The following SGIP1 variants were observed in gnomAD, a reference collection of about 807,000 sequenced individuals.
The protein encoded by SGIP1 is SH3GL interacting endocytic adaptor 1.
SGIP1 carries 38 observed loss-of-function variants against 107.5 expected under a neutral mutation model. The ratio of observed to expected loss-of-function variants is 0.35; its 90% confidence interval spans 0.27 to 0.46. The LOEUF (loss-of-function observed/expected upper bound fraction) is 0.46. Ranked by LOEUF, SGIP1 falls within the 20% of genes least tolerant of loss-of-function variation. The pLI, the probability that SGIP1 is intolerant of heterozygous loss-of-function variation, is 1.00. For missense variants in SGIP1, 929 were observed against 1,019.5 expected (o/e 0.91, Z 1.21); for synonymous variants, 365 against 366.1 (o/e 1.00, Z 0.03).
At chr1:66,570,587 G>T (rs571072605) in intron 1 of SGIP1, among the ~76,000 whole-genome samples, 45 of 151,872 alleles carry the variant, frequency 3.0e-4, no homozygotes, top group African/African-American at 8.9e-4. Context: ...AAATTTCATT[G>T]CCATCTATCC....
intron 1 of SGIP1, among the ~76,000 whole-genome samples, chr1:66,550,582 C>G (rs2057255906): frequency 6.6e-6 from 1 of 152,054 alleles, no homozygotes. Flanking sequence ...TGCCCCTCCC[C>G]CAAGAGGAGG....
intron 12 of SGIP1, among the ~76,000 whole-genome samples, chr1:66,675,541 C>CTTTTTTTTTTTTTTTTTTTTTT (rs71242802): frequency 8.0e-5 from 9 of 112,392 alleles, no homozygotes; most frequent in South Asian, 2.8e-4. Context: ...CTTTTTCTTT[C>CTTTTTTTTTTTTTTTTTTTTTT]TTTTTTTTTT....
At chr1:66,574,454 A>G (rs1028163894) in intron 1 of SGIP1, among the ~76,000 whole-genome samples, 5 of 152,026 alleles carry the variant, frequency 3.3e-5, no homozygotes, top group African/African-American at 1.2e-4. Context: ...TTTATTCATC[A>G]CCTAGTATAA....
At chr1:66,695,219 C>T in intron 17 of SGIP1, 1 of 946,988 alleles carries the variant, frequency 1.1e-6, no homozygotes, top group Non-Finnish European at 1.5e-6. Flanking sequence ...TCCTTTAGGC[C>T]TCCATAGCTT....
At chr1:66,551,314 CTA>C (rs1557857317) in intron 1 of SGIP1, among the ~76,000 whole-genome samples, 1 of 152,146 alleles carries the variant, frequency 6.6e-6, no homozygotes, top group African/African-American at 2.4e-5. Context: ...AGCAATTCTC[CTA>C]TGTTAGAATG....
chr1:66,656,198 A>T (rs1022318570), intron 7 of SGIP1, among the ~76,000 whole-genome samples: 1 of 152,154 alleles, frequency 6.6e-6, no homozygotes, highest in African/African-American at 2.4e-5. Context: ...GACCAGCAAC[A>T]TCACTGTCTT....
At position 66,694,628 on chromosome 1, in the gene SGIP1, G is replaced by A. The variant is rs2090516280; in HGVS notation, c.1571-806G>A. 2.6e-5 allele frequency: 17 copies of A among 654,646 alleles called. No individual in the cohort carries two copies. In the South Asian group the frequency reaches 4.9e-4, roughly 19 times the overall value. The allele number at this position is 654,646 out of a possible 1,614,324, so 40.6% of individuals were successfully genotyped here. On this transcript the variant is annotated intron_variant, in intron 17 of 24. Coordinates refer to ENST00000371037, the MANE Select transcript of SGIP1 (RefSeq NM_032291.4). ...CATGAGTGTCCAGTGCCTCTCAGATGCACCCTGTATATTTACTGTTCATCA... is the reference window on the plus strand; with the variant it reads ...CATGAGTGTCCAGTGCCTCTCAGATACACCCTGTATATTTACTGTTCATCA...
intron 4 of SGIP1, among the ~76,000 whole-genome samples, chr1:66,637,208 A>G (rs1455115683): frequency 1.3e-5 from 2 of 152,134 alleles, no homozygotes; most frequent in Non-Finnish European, 2.9e-5. Context: ...CTTCTTCTTG[A>G]AAGTTTTCCA....
In SGIP1 at chr1:66,643,177, G is replaced by A. The variant is rs191793153; in HGVS notation, c.283+313G>A. The stretch of plus-strand genomic sequence containing the variant: ...TCCTCTCCCTACAATTCAACTCTGG[G>A]CAAAGCATGTCACACTGATGCATTT... On this transcript the variant is annotated intron_variant, in intron 6 of 24. Coordinates refer to ENST00000371037, the MANE Select transcript of SGIP1 (RefSeq NM_032291.4). Among the ~76,000 whole-genome samples, 4 of 148,712 alleles carry A rather than the reference G, an allele frequency of 2.7e-5. No individual in the cohort carries two copies. In the East Asian group the frequency reaches 8.0e-4, roughly 30 times the overall value.
chr1:66,740,776 G>C, intron 23 of SGIP1, 54 bp downstream of exon 23: 1 of 1,228,184 alleles, frequency 8.1e-7, no homozygotes, highest in Non-Finnish European at 1.2e-6. Context: ...AATGGCTTTA[G>C]GTATTTGCCA....
chr1:66,588,376 A>G (rs2062978609), intron 1 of SGIP1, among the ~76,000 whole-genome samples: 1 of 144,218 alleles, frequency 6.9e-6, no homozygotes, highest in Admixed American at 6.7e-5. Context: ...CTCTACCTGC[A>G]AAACAAAAAA....
chr1:66,679,580 G>T, intron 13 of SGIP1, 98 bp from the exon 14 acceptor site: 2 of 1,256,306 alleles, frequency 1.6e-6, no homozygotes. Flanking sequence ...TCCAATAGCA[G>T]GAATATAACT....
intron 1 of SGIP1, among the ~76,000 whole-genome samples, chr1:66,581,125 ACT>A (rs948062278): frequency 1.3e-5 from 2 of 152,068 alleles, no homozygotes; most frequent in African/African-American, 4.8e-5. Context: ...CTATTGAAAC[ACT>A]CTAAGACATG....
At chr1:66,562,355 A>G (rs966364480) in intron 1 of SGIP1, among the ~76,000 whole-genome samples, 3 of 152,062 alleles carry the variant, frequency 2.0e-5, no homozygotes, top group African/African-American at 4.8e-5. Context: ...TTTCAGGGAG[A>G]TAAAATTCTT....
intron 1 of SGIP1, among the ~76,000 whole-genome samples, chr1:66,598,162 G>C (rs960029298): frequency 1.9e-4 from 29 of 152,256 alleles, no homozygotes; most frequent in African/African-American, 6.7e-4. Context: ...TGATAGTAAA[G>C]GGGTCTTTTA....
rs545926744 is a variant in SGIP1 at position 66,725,109 on chromosome 1, A to G, written c.1743-4155A>G. On this transcript the variant is annotated intron_variant, in intron 19 of 24. Coordinates refer to ENST00000371037, the MANE Select transcript of SGIP1 (RefSeq NM_032291.4). Reference sequence around the variant, plus strand: ...TTTGCTCCCAAACTGGGAGGTCAGCAGTGTTCTCCAGGAGAGATGGAAATG... The same window carrying G: ...TTTGCTCCCAAACTGGGAGGTCAGCGGTGTTCTCCAGGAGAGATGGAAATG... Among the ~76,000 whole-genome samples, 9 of 152,282 alleles carry G rather than the reference A, an allele frequency of 5.9e-5. 1 individual carries two copies. The highest frequency in any genetic ancestry group is 2.2e-4 in the African/African-American group (9 of 41,564).
At position 66,749,224 on chromosome 1, in the gene SGIP1, A is replaced by G. The variant is rs184383930; in HGVS notation, c.*6129A>G. Among the ~76,000 whole-genome samples the G allele has an allele frequency of 6.5e-4, 99 of 152,148 alleles. 1 individual carries two copies. Among genetic ancestry groups the G allele is most frequent in the African/African-American group, 2.2e-3 (92 of 41,562 alleles). ...CCCCTATCTGTTGAAGATGTTTCCA[A>G]TTCTTTGCCGTGTGGAATTAATGCC... On this transcript the variant is annotated 3_prime_UTR_variant, in exon 25 of 25. Coordinates refer to ENST00000371037, the MANE Select transcript of SGIP1 (RefSeq NM_032291.4).
rs777313692 is a variant in SGIP1, at chr1:66,671,015, A to G, written c.504A>G (p.Leu168=). Residue 168 remains leucine (L), a synonymous_variant, in exon 10 of 25, where the codon TTA becomes TTG. Transcript: ENST00000371037. ...RRSPGAIKRN[L]SSEEVARPRR... is the part of the protein sequence containing the mutation. Reference sequence around the variant, plus strand: ...TCTAGGGTGCAATTAAAAGGAACTTATCCAGTAAGTATATCTTAGCTACCA... The same window carrying G: ...TCTAGGGTGCAATTAAAAGGAACTTGTCCAGTAAGTATATCTTAGCTACCA... 1.4e-6 allele frequency: 2 copies of G among 1,396,448 alleles called. No homozygotes were observed. Among genetic ancestry groups the G allele is most frequent in the African/African-American group, 2.9e-5 (2 of 70,048 alleles). 86.5% of individuals were successfully genotyped at this position (1,396,448 alleles called of 1,614,324 possible). A position where few individuals can be genotyped will look rare whatever the true frequency, so the allele number is the denominator to read the frequency against.
intron 1 of SGIP1, among the ~76,000 whole-genome samples, chr1:66,562,250 C>G (rs530354964): frequency 1.1e-4 from 17 of 152,102 alleles, no homozygotes; most frequent in African/African-American, 3.4e-4. Flanking sequence ...AATCTAGACT[C>G]TGCACAACAG....
Sources: gnomAD v4.1 joint callset for allele counts (sites outside exome capture counted in the v4.1 genomes callset) on GRCh38, gnomAD v4.1.1 for gene constraint, MANE v1.5 for transcripts, NCBI Gene and HGNC (gene_info 2026-07-23, HGNC 2026-07-21) for gene names.